Variants in SLC22A24 observed in about 807,000 individuals in gnomAD.
SLC22A24 encodes steroid transmembrane transporter SLC22A24.
SLC22A24 carries 53 observed loss-of-function variants against 49.8 expected under a neutral mutation model. That is an observed-to-expected ratio of 1.06 (90% CI 0.85 to 1.34). The LOEUF (loss-of-function observed/expected upper bound fraction) is 1.34, where lower values mean the gene tolerates loss of function less well. Among genes scored for constraint, SLC22A24 ranks in the 40% most tolerant of loss-of-function variants. The pLI is 0.00. For synonymous variants in SLC22A24, 302 were observed against 256.4 expected, an observed-to-expected ratio of 1.18 and a Z score of -1.70; for missense variants, 786 against 675.9, an observed-to-expected ratio of 1.16 and a Z score of -1.81.
chr11:63,081,076 G>A lies in SLC22A24; in HGVS notation c.1442C>T (p.Ala481Val). Residue 481 changes from alanine (A) to valine (V), a missense_variant, in exon 9 of 10, where the codon GCA becomes GTA. By Grantham distance (64) the Ala-to-Val change is moderately conservative. Coordinates refer to ENST00000612278, the MANE Select transcript of SLC22A24 (RefSeq NM_001136506.2). ...TAAGGTCATCAACAGAGGAGCCAGT[G>A]CTGCCCCAGTCCTACCGGACACTGC... The part of the protein sequence containing the change: ...INAVSGRTGA[A>V]LAPLLMTLMA... 2 of 1,551,694 alleles carry A rather than the reference G, an allele frequency of 1.3e-6. No individual in the cohort carries two copies. Among genetic ancestry groups the A allele is most frequent in the Non-Finnish European group, 1.7e-6 (2 of 1,146,946 alleles).
At chr11:63,087,608 C>T (rs1374860224) in intron 6 of SLC22A24, among the ~76,000 whole-genome samples, 4 of 152,216 alleles carry the variant, frequency 2.6e-5, no homozygotes, top group Non-Finnish European at 4.4e-5. Context: ...GGGGCTGAGG[C>T]CATGGAGCCA....
intron 4 of SLC22A24, among the ~76,000 whole-genome samples, chr11:63,113,167 C>CAT (rs377461366): frequency 0.21 from 444 of 2,164 alleles, 157 homozygotes; most frequent in Middle Eastern, 1. Flanking sequence ...TATATATACA[C>CAT]ATATATATAC....
rs746344212 is a variant in SLC22A24, at chr11:63,122,514, CATTT to C, written c.507-3183_507-3180del. 1.0e-3 allele frequency among the ~76,000 whole-genome samples: 155 copies of C among 152,158 alleles called. 1 individual carries two copies. Among genetic ancestry groups the C allele is most frequent in the African/African-American group, 3.5e-3 (144 of 41,508 alleles). On this transcript the variant is annotated intron_variant, in intron 2 of 9. Coordinates refer to ENST00000612278, the MANE Select transcript of SLC22A24 (RefSeq NM_001136506.2). ...CAGAGAAGGTTTATGTGCATTTAAA[CATTT>C]ATTTATTTATTTATTGAGATGGAGT... is the stretch of plus-strand genomic sequence containing the variant.
intron 6 of SLC22A24, among the ~76,000 whole-genome samples, chr11:63,084,686 C>A (rs1190822646): frequency 6.6e-6 from 1 of 152,100 alleles, no homozygotes; most frequent in Non-Finnish European, 1.5e-5. Flanking sequence ...TTTCTTTCCC[C>A]CTCTCTAGGT....
chr11:63,119,418 A>G, intron 2 of SLC22A24, 83 bp from the exon 3 acceptor site: 2 of 1,283,802 alleles, frequency 1.6e-6, no homozygotes, highest in Non-Finnish European at 2.1e-6. Context: ...GCATCTTGAA[A>G]TTAGGATAAA....
intron 4 of SLC22A24, among the ~76,000 whole-genome samples, chr11:63,111,861 CT>C (rs2087167959): frequency 2.0e-5 from 3 of 151,796 alleles, no homozygotes. Context: ...CATTTCTGCT[CT>C]GATTTTAGTT....
intron 6 of SLC22A24, among the ~76,000 whole-genome samples, chr11:63,089,460 G>A (rs2087005574): frequency 6.6e-6 from 1 of 152,112 alleles, no homozygotes; most frequent in African/African-American, 2.4e-5. Context: ...AGCCACTGCT[G>A]AAACACAGCA....
chr11:63,094,302 A>C (rs2212462), intron 6 of SLC22A24, among the ~76,000 whole-genome samples: 75,748 of 151,482 alleles, frequency 0.5, 19,082 homozygotes, highest in East Asian at 0.54. Flanking sequence ...CCTACAAAGG[A>C]CATGGACTCA....
intron 5 of SLC22A24, among the ~76,000 whole-genome samples, chr11:63,099,604 C>A (rs1435942516): frequency 6.6e-6 from 1 of 151,724 alleles, no homozygotes; most frequent in South Asian, 2.1e-4. Flanking sequence ...GATACCCAAA[C>A]CAGACAGAGA....
chr11:63,124,262 T>G (rs1262924458), intron 2 of SLC22A24, among the ~76,000 whole-genome samples: 1 of 152,120 alleles, frequency 6.6e-6, no homozygotes, highest in Non-Finnish European at 1.5e-5. Context: ...GATTTTATTC[T>G]AAGTGCAGTG....
intron 6 of SLC22A24, among the ~76,000 whole-genome samples, chr11:63,089,664 A>G (rs1322472493): frequency 6.6e-6 from 1 of 151,712 alleles, no homozygotes; most frequent in Non-Finnish European, 1.5e-5. Context: ...ATGTGCAAAG[A>G]TACACATAGG....
intron 1 of SLC22A24, chr11:63,137,791 C>A (rs1032705189): frequency 2.0e-5 from 3 of 152,112 alleles, no homozygotes; most frequent in African/African-American, 7.2e-5. Context: ...AGCTATAGCA[C>A]AAGTGAGCAG....
intron 4 of SLC22A24, among the ~76,000 whole-genome samples, chr11:63,112,057 T>G (rs955381765): frequency 1.1e-4 from 17 of 152,132 alleles, no homozygotes; most frequent in Non-Finnish European, 2.9e-5. Context: ...GTGTCTTTGG[T>G]CTCGTTGGTT....
At chr11:63,118,049 G>A (rs1344690990) in intron 4 of SLC22A24, among the ~76,000 whole-genome samples, 1 of 152,174 alleles carries the variant, frequency 6.6e-6, no homozygotes, top group East Asian at 1.9e-4. Flanking sequence ...TGCCTTATGA[G>A]GGGAGCCTTC....
chr11:63,110,957 C>A (rs1350785801), intron 4 of SLC22A24, among the ~76,000 whole-genome samples: 1 of 151,904 alleles, frequency 6.6e-6, no homozygotes, highest in Non-Finnish European at 1.5e-5. Context: ...CCAGTTTTTG[C>A]CCACTCAGTA....
At chr11:63,136,040 C>T (rs1221630424) in intron 1 of SLC22A24, among the ~76,000 whole-genome samples, 1 of 152,142 alleles carries the variant, frequency 6.6e-6, no homozygotes, top group Non-Finnish European at 1.5e-5. Flanking sequence ...TGAAAAAGCT[C>T]GATAAGTGGG....
intron 5 of SLC22A24, among the ~76,000 whole-genome samples, chr11:63,098,694 T>C (rs1192757367): frequency 6.7e-6 from 1 of 149,802 alleles, no homozygotes; most frequent in South Asian, 2.1e-4. Context: ...AACAAACAAA[T>C]AAAAAAACTA....
intron 4 of SLC22A24, among the ~76,000 whole-genome samples, chr11:63,105,064 A>C (rs991258959): frequency 6.6e-6 from 1 of 152,254 alleles, no homozygotes; most frequent in African/African-American, 2.4e-5. Flanking sequence ...CCAGCAGGGC[A>C]GTCAAATATT....
intron 4 of SLC22A24, among the ~76,000 whole-genome samples, chr11:63,108,899 G>C (rs1179987017): frequency 6.8e-6 from 1 of 147,110 alleles, no homozygotes; most frequent in Non-Finnish European, 1.5e-5. Flanking sequence ...ACATTGTGCA[G>C]GTTAGTTACA....
Sources: allele counts gnomAD v4.1 joint callset (sites outside exome capture counted in the v4.1 genomes callset), GRCh38; gene constraint gnomAD v4.1.1; transcripts MANE v1.5; gene names NCBI Gene and HGNC (gene_info 2026-07-23, HGNC 2026-07-21).